The following CAPN9 variants were observed in gnomAD, a reference collection of about 807,000 sequenced individuals.
CAPN9 encodes the protein calpain-9.
Under a neutral mutation model 92.8 loss-of-function variants are expected in CAPN9, and 81 were observed. That is an observed-to-expected ratio of 0.87 (90% CI 0.73 to 1.05). CAPN9 has a LOEUF of 1.05. CAPN9 is among the 50% of genes least tolerant of loss of function. The pLI is 0.00. For missense variants in CAPN9, 848 were observed against 866.2 expected (o/e 0.98, Z 0.26); for synonymous variants, 304 against 328.0 (o/e 0.93, Z 0.79).
chr1:230,778,151 C>A (rs1666949568), intron 8 of CAPN9, among the ~76,000 whole-genome samples: 1 of 152,174 alleles, frequency 6.6e-6, no homozygotes, highest in South Asian at 2.1e-4. Context: ...CATCTCCATC[C>A]TTCCAGTCAC....
chr1:230,792,651 C>A (rs866455576), intron 16 of CAPN9, among the ~76,000 whole-genome samples, 157 bp downstream of exon 16: 1 of 152,180 alleles, frequency 6.6e-6, no homozygotes, highest in Non-Finnish European at 1.5e-5. Context: ...CCGATGCTTA[C>A]GGGAGTACCA....
At chr1:230,752,602 G>A (rs1048409792) in intron 1 of CAPN9, 1 of 855,152 alleles carries the variant, frequency 1.2e-6, no homozygotes, top group Non-Finnish European at 1.4e-6. Context: ...GGGGAGGGGA[G>A]GGGCAGGGAG....
chr1:230,758,716 C>A (rs561424448), intron 2 of CAPN9, among the ~76,000 whole-genome samples: 3 of 152,142 alleles, frequency 2.0e-5, no homozygotes, highest in Non-Finnish European at 4.4e-5. Flanking sequence ...CTTTTAGGTT[C>A]TGATGACGTT....
intron 4 of CAPN9, 54 bp downstream of exon 4, chr1:230,762,840 A>C (rs909491328): frequency 5.2e-6 from 8 of 1,552,568 alleles, no homozygotes; most frequent in Non-Finnish European, 6.1e-6. Flanking sequence ...TCTCTACACT[A>C]GTCTTTGTAG....
intron 2 of CAPN9, among the ~76,000 whole-genome samples, chr1:230,757,903 G>A (rs1022963128): frequency 6.6e-6 from 1 of 151,926 alleles, no homozygotes; most frequent in Non-Finnish European, 1.5e-5. Context: ...GAGGCACAGC[G>A]TTCCCCCTGC....
At chr1:230,752,804 G>A (rs1424486628) in intron 1 of CAPN9, 2 of 617,512 alleles carry the variant, frequency 3.2e-6, no homozygotes, top group Admixed American at 6.3e-5. Context: ...AGGGCTTGGG[G>A]GACTCCTGGG....
intron 18 of CAPN9, among the ~76,000 whole-genome samples, chr1:230,796,698 T>C (rs1227785382): frequency 6.6e-6 from 1 of 152,244 alleles, no homozygotes; most frequent in African/African-American, 2.4e-5. Context: ...ACAGAATCCG[T>C]TATTAGACTT....
Position 230,747,717 on chromosome 1 carries a change from G to C in CAPN9, c.213+8G>C. On this transcript the variant is annotated splice_region_variant and intron_variant, in intron 1 of 19. Transcript: ENST00000271971. ...GTGTGGAAACGACCAGGGGTGAGTG[G>C]GGCGAGCAGGGGAAGGAGCATAGAT... The C allele has an allele frequency of 6.2e-7, 1 of 1,613,082 alleles. No individual in the cohort carries two copies. The highest frequency in any genetic ancestry group is 8.5e-7 in the Non-Finnish European group (1 of 1,179,094).
chr1:230,750,547 G>C (rs756029753), intron 1 of CAPN9, among the ~76,000 whole-genome samples: 4 of 152,182 alleles, frequency 2.6e-5, no homozygotes, highest in Admixed American at 6.5e-5. Flanking sequence ...AGGGAGCCGG[G>C]GGGTAGCGGG....
intron 12 of CAPN9, among the ~76,000 whole-genome samples, chr1:230,787,133 T>TAG (rs1667646410): frequency 6.6e-6 from 1 of 152,228 alleles, no homozygotes; most frequent in East Asian, 1.9e-4. Context: ...AACAGACTCT[T>TAG]GCCTTCAACG....
chr1:230,750,414 C>T (rs569034538), intron 1 of CAPN9, among the ~76,000 whole-genome samples: 5 of 152,194 alleles, frequency 3.3e-5, no homozygotes, highest in Non-Finnish European at 7.3e-5. Flanking sequence ...CATTCTCGTA[C>T]CCCTATCTGT....
chr1:230,784,818 T>A (rs1300023647), intron 11 of CAPN9, among the ~76,000 whole-genome samples: 1 of 152,216 alleles, frequency 6.6e-6, no homozygotes, highest in Non-Finnish European at 1.5e-5. Context: ...TACTGCCTAG[T>A]GGAACTGTGG....
intron 8 of CAPN9, chr1:230,777,131 T>A (rs984702899): frequency 4.6e-5 from 7 of 152,200 alleles, no homozygotes; most frequent in African/African-American, 1.7e-4. Context: ...TTGCTGCATA[T>A]GAGCAGGAGG....
intron 4 of CAPN9, among the ~76,000 whole-genome samples, chr1:230,764,524 C>T (rs1372297405): frequency 2.0e-5 from 3 of 152,142 alleles, no homozygotes; most frequent in Admixed American, 1.3e-4. Flanking sequence ...ACTATGAGAG[C>T]CAATTTCAAA....
In CAPN9 at chr1:230,779,075, G is replaced by T. The variant is rs199593400; in HGVS notation, c.1056G>T (p.Thr352=). ...EEDAIHKWEV[T]VHQGSWVRGS... is the part of the protein sequence containing the mutation. Reference sequence around the variant, plus strand: ...ACGCGATCCACAAATGGGAGGTGACGGTCCATCAGGGAAGCTGGGTTCGCG... The same window carrying T: ...ACGCGATCCACAAATGGGAGGTGACTGTCCATCAGGGAAGCTGGGTTCGCG... The change falls in exon 9 of 20, where the codon ACG becomes ACT. Residue 352 remains threonine, a synonymous_variant. Coordinates refer to ENST00000271971, the MANE Select transcript of CAPN9 (RefSeq NM_006615.3). 2 of 1,613,350 alleles carry T rather than the reference G, an allele frequency of 1.2e-6. No homozygotes were observed. Among genetic ancestry groups the T allele is most frequent in the Middle Eastern group, 1.8e-4 (1 of 5,620 alleles).
chr1:230,751,628 A>T (rs1311810064), intron 1 of CAPN9, among the ~76,000 whole-genome samples: 1 of 83,142 alleles, frequency 1.2e-5, no homozygotes, highest in Non-Finnish European at 2.4e-5. Flanking sequence ...AGAAAGAAAG[A>T]AAGAAAGAAA....
intron 3 of CAPN9, among the ~76,000 whole-genome samples, chr1:230,761,773 G>A (rs1243774657): frequency 6.6e-6 from 1 of 152,086 alleles, no homozygotes; most frequent in Admixed American, 6.5e-5. Context: ...CAGAAGGAAC[G>A]GGTAGGAGGT....
At chr1:230,757,811 T>C (rs555105975) in intron 2 of CAPN9, among the ~76,000 whole-genome samples, 1 of 145,542 alleles carries the variant, frequency 6.9e-6, no homozygotes, top group Admixed American at 6.8e-5. Flanking sequence ...GCTGGGTGAG[T>C]GTGAGGGGAT....
intron 5 of CAPN9, among the ~76,000 whole-genome samples, chr1:230,768,513 C>T (rs872504): frequency 0.53 from 80,262 of 150,750 alleles, 22,424 homozygotes; most frequent in East Asian, 0.78. Flanking sequence ...TTTACTGAAA[C>T]GGGATCTTCC....
Sources: gnomAD v4.1 joint callset for allele counts (sites outside exome capture counted in the v4.1 genomes callset) on GRCh38, gnomAD v4.1.1 for gene constraint, MANE v1.5 for transcripts, NCBI Gene and HGNC (gene_info 2026-07-23, HGNC 2026-07-21) for gene names.